SLIT3: variants seen among roughly 807,000 people sequenced by gnomAD.
SLIT3 encodes slit guidance ligand 3.
Under a neutral mutation model 184.0 loss-of-function variants are expected in SLIT3, and 68 were observed. The ratio of observed to expected loss-of-function variants is 0.37; its 90% CI spans 0.30 to 0.45. SLIT3 has a LOEUF of 0.45. SLIT3 is among the 20% of genes least tolerant of loss of function. The pLI is 1.00. For synonymous variants in SLIT3, 831 were observed against 828.6 expected, an observed-to-expected ratio of 1.00 and a Z score of -0.05; for missense variants, 1,707 against 2,026.0, an observed-to-expected ratio of 0.84 and a Z score of 3.02.
At chr5:168,787,058 C>T (rs529049460) in intron 11 of SLIT3, among the ~76,000 whole-genome samples, 1 of 152,274 alleles carries the variant, frequency 6.6e-6, no homozygotes, top group South Asian at 2.1e-4. Context: ...AACCAAACCC[C>T]CCTTTTCCAG....
chr5:168,929,779 G>A (rs886147979), intron 4 of SLIT3, among the ~76,000 whole-genome samples: 12 of 152,364 alleles, frequency 7.9e-5, no homozygotes, highest in Non-Finnish European at 1.2e-4. Flanking sequence ...ATACTGGCTC[G>A]TGGGCTGTAG....
At chr5:169,235,300 T>C (rs187497055) in intron 3 of SLIT3, among the ~76,000 whole-genome samples, 83 of 152,314 alleles carry the variant, frequency 5.4e-4, no homozygotes, top group Non-Finnish European at 1.1e-3. Flanking sequence ...AAAATCCATC[T>C]AGATTAAAAT....
At chr5:168,691,413 A>G (rs1761901591) in intron 29 of SLIT3, among the ~76,000 whole-genome samples, 1 of 152,086 alleles carries the variant, frequency 6.6e-6, no homozygotes. Flanking sequence ...AGTCACAAAT[A>G]CCCCCAGAGT....
At position 169,038,759 on chromosome 5, in the gene SLIT3, G is replaced by A. The variant is rs986431579; in HGVS notation, c.413+154720C>T. 5.7e-5 allele frequency among the ~76,000 whole-genome samples: 8 copies of A among 140,514 alleles called. No homozygotes were observed. In the East Asian group the frequency reaches 9.8e-4, roughly 17 times the overall value. The allele number at this position is 140,514 out of a possible 152,430, so 92.2% of individuals were successfully genotyped here. A position where few individuals can be genotyped will look rare whatever the true frequency, so the allele number is the denominator to read the frequency against. ...AGGACTGTCCGGCTCCACAGCCTGC[G>A]TTCTATGGCACCACATTGTTCAGTG... On this transcript the variant is annotated intron_variant, in intron 4 of 35. Coordinates refer to ENST00000519560, the MANE Select transcript of SLIT3 (RefSeq NM_003062.4).
At chr5:169,114,876 C>A (rs180989372) in intron 4 of SLIT3, among the ~76,000 whole-genome samples, 1 of 152,220 alleles carries the variant, frequency 6.6e-6, no homozygotes, top group Non-Finnish European at 1.5e-5. Context: ...TTTAAAAGAA[C>A]ACGATGGCAA....
chr5:169,280,222 T>C (rs1007917364), intron 1 of SLIT3, among the ~76,000 whole-genome samples: 1 of 152,212 alleles, frequency 6.6e-6, no homozygotes, highest in Non-Finnish European at 1.5e-5. Flanking sequence ...AAAATCCTCA[T>C]GCAAGGAGGT....
chr5:169,193,196 TCC>T (rs1763615805), intron 4 of SLIT3, among the ~76,000 whole-genome samples: 1 of 152,036 alleles, frequency 6.6e-6, no homozygotes, highest in Non-Finnish European at 1.5e-5. Flanking sequence ...AGACCCACAA[TCC>T]ATGGAAGCAT....
Position 168,662,137 on chromosome 5 carries a change from A to G in SLIT3, c.*4317T>C, listed in dbSNP as rs1760873708. 6.6e-6 allele frequency: 1 copy of G among 152,208 alleles called. No homozygotes were observed. Among genetic ancestry groups the G allele is most frequent in the Admixed American group, 6.5e-5 (1 of 15,282 alleles). The allele number at this position is 152,208 out of a possible 1,614,324, so 9.4% of individuals were successfully genotyped here. ...ACATCCACTGTGGGGTAGCAGGAAG[A>G]ACTTTGGCCTGGGTGGACACATGGG... On this transcript the variant is annotated 3_prime_UTR_variant, in exon 36 of 36. Coordinates refer to ENST00000519560, the MANE Select transcript of SLIT3 (RefSeq NM_003062.4).
intron 35 of SLIT3, among the ~76,000 whole-genome samples, 174 bp downstream of exon 35, chr5:168,669,609 G>A (rs1250958185): frequency 6.6e-6 from 1 of 152,216 alleles, no homozygotes; most frequent in Non-Finnish European, 1.5e-5. Context: ...ACTGATACAG[G>A]AAGGTATAGT....
At chr5:168,866,743 G>A (rs114986020) in intron 5 of SLIT3, among the ~76,000 whole-genome samples, 2,589 of 152,260 alleles carry the variant, frequency 0.017, 43 homozygotes, top group Non-Finnish European at 0.028. Flanking sequence ...TGCTGAGTCC[G>A]AGTTTCTTCA....
chr5:168,855,694 G>C (rs1419538617), intron 5 of SLIT3, among the ~76,000 whole-genome samples: 1 of 152,202 alleles, frequency 6.6e-6, no homozygotes. Flanking sequence ...ACAGAAAGCA[G>C]ATCAGCAATT....
intron 26 of SLIT3, among the ~76,000 whole-genome samples, chr5:168,701,380 C>G (rs1488134885): frequency 6.6e-6 from 1 of 152,166 alleles, no homozygotes. Flanking sequence ...TTCTAAAGTT[C>G]TGAAGGTAAG....
chr5:168,808,228 G>A (rs1757042772), intron 8 of SLIT3, among the ~76,000 whole-genome samples: 1 of 152,122 alleles, frequency 6.6e-6, no homozygotes, highest in African/African-American at 2.4e-5. Flanking sequence ...CCTAGAGAGA[G>A]TGGTGATGCT....
At chr5:169,219,073 C>T in intron 3 of SLIT3, among the ~76,000 whole-genome samples, 1 of 152,194 alleles carries the variant, frequency 6.6e-6, no homozygotes, top group Non-Finnish European at 1.5e-5. Context: ...CTGAATCTCT[C>T]TCCTGATTAG....
chr5:169,069,004 C>T (rs1262044005), intron 4 of SLIT3, among the ~76,000 whole-genome samples: 3 of 151,978 alleles, frequency 2.0e-5, no homozygotes, highest in Non-Finnish European at 4.4e-5. Context: ...AGGCATGAAC[C>T]CTACCACAAT....
chr5:168,728,617 TA>T (rs577822964), intron 20 of SLIT3, among the ~76,000 whole-genome samples: 1 of 151,538 alleles, frequency 6.6e-6, no homozygotes, highest in African/African-American at 2.4e-5. Context: ...ACAGACATCT[TA>T]AAAAAAATAA....
intron 4 of SLIT3, among the ~76,000 whole-genome samples, chr5:169,111,845 T>C (rs147715683): frequency 6.6e-6 from 1 of 152,326 alleles, no homozygotes; most frequent in African/African-American, 2.4e-5. Flanking sequence ...GGACTCTGGG[T>C]CTAGGGGACG....
rs1304647278 is a variant in SLIT3 at position 169,300,649 on chromosome 5, C to A, written c.61G>T (p.Ala21Ser). ...GGCCCACTCAGGACGCTCGCCAGCG[C>A]CAAGGCCAGCGCCAGGCGGGCGCGC... is the stretch of plus-strand genomic sequence containing the variant. ...AVRARLALALALASVLSGPPA... is the reference protein window; with the variant it reads ...AVRARLALALSLASVLSGPPA... Residue 21 changes from alanine to serine, a missense_variant, in exon 1 of 36, where the codon GCG becomes TCG. By Grantham distance (99) the Ala-to-Ser change is moderately conservative. Transcript: ENST00000519560. The surrounding 1 kb of genome is among the most constrained non-coding windows in gnomAD (Gnocchi z 4.1). 1.4e-6 allele frequency: 2 copies of A among 1,467,838 alleles called. No homozygotes were observed. 90.9% of individuals were successfully genotyped at this position (1,467,838 alleles called of 1,614,324 possible). A position where few individuals can be genotyped will look rare whatever the true frequency, so the allele number is the denominator to read the frequency against.
At chr5:168,817,589 G>A (rs1373581805) in intron 7 of SLIT3, 126 bp from the exon 8 acceptor site, 6 of 860,362 alleles carry the variant, frequency 7.0e-6, no homozygotes, top group Non-Finnish European at 1.1e-5. Flanking sequence ...TAGGAGCCCA[G>A]GGAAGCAATT....
Sources: gnomAD v4.1 joint callset for allele counts (sites outside exome capture counted in the v4.1 genomes callset) on GRCh38, gnomAD v4.1.1 for gene constraint, Gnocchi (gnomAD v3.1) non-coding constraint, MANE v1.5 for transcripts, NCBI Gene and HGNC (gene_info 2026-07-23, HGNC 2026-07-21) for gene names.